Variants in RNF213 observed in about 807,000 individuals in gnomAD.
RNF213 encodes ring finger protein 213.
In RNF213, 341 loss-of-function variants were observed where a neutral mutation model predicts 514.4. The ratio of observed to expected loss-of-function variants is 0.66; its 90% CI spans 0.61 to 0.73. The LOEUF is 0.73. Ranked by LOEUF, RNF213 falls within the 30% of genes least tolerant of loss-of-function variation. RNF213 has a pLI of 0.00. For missense variants in RNF213, 5,767 were observed against 6,615.6 expected (o/e 0.87, Z 4.45); for synonymous variants, 2,655 against 2,658.2 (o/e 1.00, Z 0.04).
chr17:80,389,507 GT>G lies in RNF213; in HGVS notation c.15195+141del, dbSNP rs2080375881. 3.8e-6 allele frequency: 3 copies of G among 780,990 alleles called. No individual in the cohort carries two copies. The East Asian group carries it at 8.0e-5, about 21-fold the overall frequency. 48.4% of individuals were successfully genotyped at this position (780,990 alleles called of 1,614,324 possible). On this transcript the variant is annotated intron_variant, in intron 65 of 67. Transcript: ENST00000582970. Reference sequence around the variant, plus strand: ...GGAGACAAGAACAACTGCTCACCCAGTCAGTCCAGCATAAACAGGACACACC... The same window carrying G: ...GGAGACAAGAACAACTGCTCACCCAGCAGTCCAGCATAAACAGGACACACC...
chr17:80,312,019 T>C (rs1278860743), intron 14 of RNF213, among the ~76,000 whole-genome samples: 2 of 151,952 alleles, frequency 1.3e-5, no homozygotes, highest in African/African-American at 2.4e-5. Flanking sequence ...TCCCAGCTAC[T>C]TGGGAGGCTG....
chr17:80,262,660 T>C (rs2043465773), intron 1 of RNF213, among the ~76,000 whole-genome samples: 1 of 152,218 alleles, frequency 6.6e-6, no homozygotes, highest in South Asian at 2.1e-4. Context: ...CTCCTGAGTA[T>C]GTGGTTGCTC....
intron 14 of RNF213, among the ~76,000 whole-genome samples, chr17:80,311,747 C>T (rs1287134364): frequency 1.3e-5 from 2 of 152,212 alleles, no homozygotes; most frequent in African/African-American, 2.4e-5. Context: ...GTGGGCCTCT[C>T]GGTGCTTCCA....
chr17:80,325,108 A>G lies in RNF213; in HGVS notation c.3103A>G (p.Lys1035Glu). 1 of 1,537,154 alleles carries G rather than the reference A, an allele frequency of 6.5e-7. No homozygotes were observed. The highest frequency in any genetic ancestry group is 8.7e-7 in the Non-Finnish European group (1 of 1,146,878). ...CATCGTCTTGTCTGCTGTGATCACT[A>G]AGTCCTGGCCTAGGACCGCGGACAA... is the stretch of plus-strand genomic sequence containing the variant. ...FGIVLSAVITKSWPRTADNFD... is the reference protein window; with the variant it reads ...FGIVLSAVITESWPRTADNFD... The change falls in exon 18 of 68, where the codon AAG becomes GAG. Residue 1035 changes from lysine to glutamate, a missense_variant. Coordinates refer to ENST00000582970, the MANE Select transcript of RNF213 (RefSeq NM_001256071.3).
At chr17:80,291,578 T>G in intron 7 of RNF213, 50 bp from the exon 8 acceptor site, 1 of 1,583,156 alleles carries the variant, frequency 6.3e-7, no homozygotes, top group Non-Finnish European at 8.7e-7. Flanking sequence ...ATAACTAAAA[T>G]TTCCGGGGTA....
intron 21 of RNF213, chr17:80,333,886 G>T (rs1599043360): frequency 3.5e-6 from 2 of 566,994 alleles, no homozygotes; most frequent in East Asian, 2.9e-5. Context: ...AGAATATCAG[G>T]TTCCCAGGAA....
intron 9 of RNF213, 125 bp downstream of exon 9, chr17:80,295,128 C>A: frequency 9.1e-7 from 1 of 1,094,956 alleles, no homozygotes; most frequent in African/African-American, 1.5e-5. Flanking sequence ...ACTTTCCAGC[C>A]TTTTCTCCTA....
At chr17:80,375,578 T>C (rs1265213478) in intron 50 of RNF213, among the ~76,000 whole-genome samples, 182 bp from the exon 51 acceptor site, 1 of 151,538 alleles carries the variant, frequency 6.6e-6, no homozygotes, top group Non-Finnish European at 1.5e-5. Flanking sequence ...TGGTTGCGTG[T>C]GCCTGTAGTC....
rs2080575829 is a variant in RNF213 at position 80,393,731 on chromosome 17, C to T, written c.*233C>T. ...AAACTTTCTCATCATTTTATGAGTA[C>T]TGTTCATTGAGAGATGACAATGAAG... is the stretch of plus-strand genomic sequence containing the variant. On this transcript the variant is annotated 3_prime_UTR_variant, in exon 68 of 68. Transcript: ENST00000582970. 5.8e-6 allele frequency: 3 copies of T among 515,830 alleles called. No homozygotes were observed. Among genetic ancestry groups the T allele is most frequent in the Non-Finnish European group, 1.1e-5 (3 of 283,400 alleles). The allele number at this position is 515,830 out of a possible 1,614,324, so 32.0% of individuals were successfully genotyped here. A position where few individuals can be genotyped will look rare whatever the true frequency, so the allele number is the denominator to read the frequency against.
rs1361422794 is a variant in RNF213, at chr17:80,290,856, C to T, written c.1271+128C>T. On this transcript the variant is annotated intron_variant, in intron 7 of 67. Transcript: ENST00000582970. Reference sequence around the variant, plus strand: ...ACGGAGTCTTGCTGTGTCACCCAGGCTGGAGTGTGGTGGCACCATCTCAGC... The same window carrying T: ...ACGGAGTCTTGCTGTGTCACCCAGGTTGGAGTGTGGTGGCACCATCTCAGC... 3 of 1,099,934 alleles carry T rather than the reference C, an allele frequency of 2.7e-6. No individual in the cohort carries two copies. The East Asian group carries it at 7.8e-5, about 29-fold the overall frequency. The allele number at this position is 1,099,934 out of a possible 1,614,324, so 68.1% of individuals were successfully genotyped here.
At position 80,289,666 on chromosome 17, in the gene RNF213, A is replaced by G; in HGVS notation, c.941A>G (p.Glu314Gly). 1 of 1,613,916 alleles carries G rather than the reference A, an allele frequency of 6.2e-7. No homozygotes were observed. The highest frequency in any genetic ancestry group is 2.2e-5 in the East Asian group (1 of 44,882). The change falls in exon 6 of 68, where the codon GAG (glutamate) becomes GGG (glycine). Residue 314 changes from glutamate to glycine, a missense_variant. By Grantham distance (98) the Glu-to-Gly change is moderately conservative. This residue lies in a region of RNF213 where 509 missense variants were observed against 496.7 expected (regional missense o/e 1.02). Coordinates refer to ENST00000582970, the MANE Select transcript of RNF213 (RefSeq NM_001256071.3). Reference sequence around the variant, plus strand: ...TTTGGTTCCTTGTTCCAGGAAGCTGAGACCAAGACCAAGGACGAGATGGCT... The same window carrying G: ...TTTGGTTCCTTGTTCCAGGAAGCTGGGACCAAGACCAAGGACGAGATGGCT... ...PPFKTHCQEAETKTKDEMAAA... is the reference protein window; with the variant it reads ...PPFKTHCQEAGTKTKDEMAAA...
chr17:80,381,561 CATT>C lies in RNF213; in HGVS notation c.13814_13816del (p.Ile4605del). The C allele has an allele frequency of 6.2e-7, 1 of 1,614,172 alleles. No individual in the cohort carries two copies. On this transcript the variant is annotated inframe_deletion, in exon 57 of 68. Transcript: ENST00000582970. ...TGCCCCCACAGGCTCTGATAAACAT[CATT>C]AAGCCTCCAGTGAGGGATCCAAAAG...
intron 44 of RNF213, among the ~76,000 whole-genome samples, chr17:80,368,519 A>G (rs1599152047): frequency 1.4e-5 from 2 of 146,414 alleles, no homozygotes; most frequent in African/African-American, 5.1e-5. Flanking sequence ...TGCAACCTTC[A>G]CCTCCTGGGT....
At chr17:80,336,630 G>GAT (rs1390806175) in intron 23 of RNF213, 2 of 508,468 alleles carry the variant, frequency 3.9e-6, no homozygotes, top group African/African-American at 3.8e-5. Flanking sequence ...AGACAGAAGG[G>GAT]AAATATGCTG....
chr17:80,384,033 T>C (rs745568630), intron 59 of RNF213, 105 bp downstream of exon 59: 35 of 1,393,296 alleles, frequency 2.5e-5, no homozygotes, highest in Non-Finnish European at 3.5e-5. Flanking sequence ...TAACAGACTA[T>C]TCCAGTGCTT....
intron 48 of RNF213, 35 bp from the exon 49 acceptor site, chr17:80,372,937 TCAC>T (rs2079573535): frequency 6.3e-7 from 1 of 1,596,550 alleles, no homozygotes; most frequent in Admixed American, 1.7e-5. Flanking sequence ...ATGCCCTAAG[TCAC>T]CAGCCACTCA....
intron 3 of RNF213, among the ~76,000 whole-genome samples, chr17:80,286,362 G>A (rs183056924): frequency 2.0e-5 from 3 of 152,276 alleles, no homozygotes; most frequent in Non-Finnish European, 2.9e-5. Flanking sequence ...GGAGAAAATC[G>A]GAATTTCTGG....
At position 80,269,481 on chromosome 17, in the gene RNF213, C is replaced by T. The variant is rs565250935; in HGVS notation, c.98-3760C>T. Among the ~76,000 whole-genome samples the T allele has an allele frequency of 3.3e-5, 5 of 152,016 alleles. No individual in the cohort carries two copies. In the South Asian group the frequency reaches 1.0e-3, roughly 32 times the overall value. On this transcript the variant is annotated intron_variant, in intron 2 of 67. Transcript: ENST00000582970. Reference sequence around the variant, plus strand: ...TCATCCATCCATTCATCTATTCTATCTATCCATCCATCCATTCATCTATTC... The same window carrying T: ...TCATCCATCCATTCATCTATTCTATTTATCCATCCATCCATTCATCTATTC...
chr17:80,374,327 A>T, intron 49 of RNF213, 131 bp from the exon 50 acceptor site: 2 of 1,180,110 alleles, frequency 1.7e-6, no homozygotes, highest in Non-Finnish European at 2.5e-6. Context: ...GCCTCAGGCC[A>T]GGTCAGGGAA....
Sources: allele counts gnomAD v4.1 joint callset (sites outside exome capture counted in the v4.1 genomes callset), GRCh38; gene constraint gnomAD v4.1.1; regional missense constraint gnomAD v4.1.1; transcripts MANE v1.5; gene names NCBI Gene and HGNC (gene_info 2026-07-23, HGNC 2026-07-21).